The following FAM13A variants were observed in gnomAD, a reference collection of about 807,000 sequenced individuals.
FAM13A encodes the protein family with sequence similarity 13 member A.
In FAM13A, 76 loss-of-function variants were observed where a neutral mutation model predicts 129.6. The observed-to-expected ratio is 0.59, with a 90% CI of 0.49 to 0.71. The LOEUF (loss-of-function observed/expected upper bound fraction) is 0.71. Among genes scored for constraint, FAM13A ranks in the 30% least tolerant of loss-of-function variants. The pLI, the probability that FAM13A is intolerant of heterozygous loss-of-function variation, is 0.00. For synonymous variants in FAM13A, 443 were observed against 449.9 expected (o/e 0.98, Z 0.20); for missense variants, 1,108 against 1,249.3 (o/e 0.89, Z 1.70).
chr4:88,903,065 C>A (rs1410383687), intron 6 of FAM13A, among the ~76,000 whole-genome samples: 5 of 152,116 alleles, frequency 3.3e-5, no homozygotes. Flanking sequence ...AGGACCTCTT[C>A]AAGGGGAACT....
intron 1 of FAM13A, among the ~76,000 whole-genome samples, chr4:89,032,005 G>A (rs905494166): frequency 2.6e-5 from 4 of 152,080 alleles, no homozygotes; most frequent in Admixed American, 2.0e-4. Context: ...GGATCATGAG[G>A]TCAGGAGATC....
intron 6 of FAM13A, among the ~76,000 whole-genome samples, chr4:88,886,627 C>T (rs2150144552): frequency 6.6e-6 from 1 of 151,366 alleles, no homozygotes; most frequent in Non-Finnish European, 1.5e-5. Context: ...GGTATATAGG[C>T]CTGGTGCAGT....
At chr4:88,979,162 T>C (rs939827128) in intron 4 of FAM13A, among the ~76,000 whole-genome samples, 1 of 152,188 alleles carries the variant, frequency 6.6e-6, no homozygotes, top group African/African-American at 2.4e-5. Flanking sequence ...AGAAACAATT[T>C]CATTTATTAT....
intron 3 of FAM13A, among the ~76,000 whole-genome samples, chr4:88,993,616 T>C (rs1339625446): frequency 6.6e-6 from 1 of 152,138 alleles, no homozygotes; most frequent in African/African-American, 2.4e-5. Context: ...TGAAATACGA[T>C]AAACAATTTT....
chr4:88,903,507 A>G (rs1218872535), intron 6 of FAM13A, among the ~76,000 whole-genome samples: 1 of 152,156 alleles, frequency 6.6e-6, no homozygotes, highest in Non-Finnish European at 1.5e-5. Flanking sequence ...AAAGCAAACT[A>G]TGGGAAAATG....
chr4:89,004,527 A>C (rs1226820743), intron 3 of FAM13A, among the ~76,000 whole-genome samples: 1 of 152,046 alleles, frequency 6.6e-6, no homozygotes, highest in Non-Finnish European at 1.5e-5. Flanking sequence ...CTTCCTCTTA[A>C]CTCCAAGTTG....
Position 88,817,624 on chromosome 4 carries a change from T to C in FAM13A, c.1008-12572A>G, listed in dbSNP as rs545053769. Among the ~76,000 whole-genome samples, 3 of 152,190 alleles carry C rather than the reference T, an allele frequency of 2.0e-5. No individual in the cohort carries two copies. In the East Asian group the frequency reaches 5.8e-4, roughly 29 times the overall value. On this transcript the variant is annotated intron_variant, in intron 7 of 23. Transcript: ENST00000264344. ...GTAAGAATAAATAGTGCATTAAAAATGTTTAATACAGAACATACTATTCCA... is the reference window on the plus strand; with the variant it reads ...GTAAGAATAAATAGTGCATTAAAAACGTTTAATACAGAACATACTATTCCA...
At chr4:88,976,066 G>A (rs913872452) in intron 4 of FAM13A, among the ~76,000 whole-genome samples, 1 of 152,216 alleles carries the variant, frequency 6.6e-6, no homozygotes, top group Non-Finnish European at 1.5e-5. Flanking sequence ...TAAGGAGTAA[G>A]TAAGATCGTG....
chr4:88,824,587 CTTT>C (rs1214219716), intron 7 of FAM13A, among the ~76,000 whole-genome samples: 4 of 152,284 alleles, frequency 2.6e-5, no homozygotes, highest in African/African-American at 9.6e-5. Context: ...ATTGTCTATA[CTTT>C]TTTGATTCTA....
chr4:88,884,372 C>T (rs543959731), intron 6 of FAM13A, among the ~76,000 whole-genome samples: 5 of 152,052 alleles, frequency 3.3e-5, no homozygotes, highest in Non-Finnish European at 7.4e-5. Flanking sequence ...ATGTGATACA[C>T]CACATAAACA....
intron 4 of FAM13A, among the ~76,000 whole-genome samples, chr4:88,939,571 C>G (rs1314270961): frequency 2.0e-5 from 3 of 152,250 alleles, no homozygotes; most frequent in Middle Eastern, 3.4e-3. Flanking sequence ...ACTATTTAAC[C>G]TACTAGACTA....
At chr4:88,926,947 T>A (rs887721428) in intron 5 of FAM13A, among the ~76,000 whole-genome samples, 1 of 152,148 alleles carries the variant, frequency 6.6e-6, no homozygotes, top group Non-Finnish European at 1.5e-5. Context: ...TGGTGAAGTC[T>A]GGGCTTTTAG....
At chr4:89,038,117 A>C (rs561876280) in intron 1 of FAM13A, among the ~76,000 whole-genome samples, 1 of 152,340 alleles carries the variant, frequency 6.6e-6, no homozygotes, top group East Asian at 1.9e-4. Flanking sequence ...AGAACCTTTA[A>C]TATTGGCAGC....
intron 6 of FAM13A, among the ~76,000 whole-genome samples, chr4:88,889,098 A>G (rs989026587): frequency 6.6e-6 from 1 of 152,160 alleles, no homozygotes; most frequent in Non-Finnish European, 1.5e-5. Context: ...GAAAACAGGC[A>G]ATGGAATTCC....
intron 19 of FAM13A, among the ~76,000 whole-genome samples, chr4:88,746,713 T>C (rs575688533): frequency 3.9e-5 from 6 of 152,314 alleles, no homozygotes; most frequent in Admixed American, 6.5e-5. Flanking sequence ...CAATTTTTCA[T>C]TGGAACCCAA....
intron 4 of FAM13A, among the ~76,000 whole-genome samples, chr4:88,984,717 T>C (rs1762036354): frequency 6.6e-6 from 1 of 152,220 alleles, no homozygotes; most frequent in African/African-American, 2.4e-5. Flanking sequence ...TTTTGTCTTT[T>C]GCCATTTTCC....
intron 1 of FAM13A, among the ~76,000 whole-genome samples, chr4:89,054,336 C>G (rs773126711): frequency 2.0e-5 from 3 of 151,524 alleles, no homozygotes; most frequent in Non-Finnish European, 4.4e-5. Context: ...CTACAGATAT[C>G]TAGTACTCAT....
chr4:88,844,305 C>T (rs1171275983), intron 7 of FAM13A, among the ~76,000 whole-genome samples: 1 of 152,182 alleles, frequency 6.6e-6, no homozygotes, highest in Non-Finnish European at 1.5e-5. Context: ...GAAATAATCA[C>T]AGCCTGAAAC....
chr4:89,057,090 C>A lies in FAM13A; in HGVS notation c.-126G>T. The A allele has an allele frequency of 1.3e-6, 2 of 1,514,214 alleles. No individual in the cohort carries two copies. The highest frequency in any genetic ancestry group is 2.5e-5 in the Admixed American group (1 of 40,328). The allele number at this position is 1,514,214 out of a possible 1,614,324, so 93.8% of individuals were successfully genotyped here. On this transcript the variant is annotated 5_prime_UTR_variant, in exon 1 of 24. Transcript: ENST00000264344. The stretch of plus-strand genomic sequence containing the variant: ...AAAAACAGCTCCCAATGCAAAGGCC[C>A]CAAGGTAAGCGAAGAGCAGCTTCTA...
Sources: gnomAD v4.1 joint callset for allele counts (sites outside exome capture counted in the v4.1 genomes callset) on GRCh38, gnomAD v4.1.1 for gene constraint, MANE v1.5 for transcripts, NCBI Gene and HGNC (gene_info 2026-07-23, HGNC 2026-07-21) for gene names.